RBFOX1: variants seen among roughly 807,000 people sequenced by gnomAD.
RBFOX1 encodes the protein RNA binding protein fox-1 homolog 1.
A neutral mutation model predicts 57.7 loss-of-function variants in RBFOX1; 8 were observed. That is an observed-to-expected ratio of 0.14 (90% confidence interval 0.08 to 0.25). The LOEUF is 0.25. Among genes scored for constraint, RBFOX1 ranks in the 10% least tolerant of loss-of-function variants. RBFOX1 has a pLI of 1.00. For synonymous variants in RBFOX1, 326 were observed against 222.4 expected (o/e 1.47, Z -4.15); for missense variants, 611 against 548.5 (o/e 1.11, Z -1.14).
chr16:7,434,907 T>A (rs1204774726), intron 4 of RBFOX1, among the ~76,000 whole-genome samples: 2 of 152,016 alleles, frequency 1.3e-5, no homozygotes, highest in East Asian at 3.9e-4. Context: ...ACTGGGCTAA[T>A]TTTTGTATTT....
chr16:6,874,532 AAAAAAATG>A (rs2061494294), intron 3 of RBFOX1, among the ~76,000 whole-genome samples: 1 of 150,998 alleles, frequency 6.6e-6, no homozygotes, highest in African/African-American at 2.4e-5. Context: ...AAAAAAAAAA[AAAAAAATG>A]AAATAATGGC....
intron 2 of RBFOX1, among the ~76,000 whole-genome samples, chr16:6,469,751 G>C (rs2095132334): frequency 6.6e-6 from 1 of 152,142 alleles, no homozygotes; most frequent in South Asian, 2.1e-4. Flanking sequence ...TCGGAACTTT[G>C]AGCTTCCTGC....
At chr16:6,755,376 CT>C (rs1194710267) in intron 3 of RBFOX1, among the ~76,000 whole-genome samples, 3 of 152,116 alleles carry the variant, frequency 2.0e-5, no homozygotes, top group Non-Finnish European at 1.5e-5. Context: ...TGTTTCCTGA[CT>C]TTTTAATGAT....
At chr16:6,486,980 G>A (rs532992871) in intron 2 of RBFOX1, among the ~76,000 whole-genome samples, 10 of 152,126 alleles carry the variant, frequency 6.6e-5, no homozygotes, top group South Asian at 2.1e-4. Context: ...AAGATAAAAC[G>A]CCTTTAAAAG....
At chr16:6,943,988 G>C (rs566004144) in intron 3 of RBFOX1, among the ~76,000 whole-genome samples, 1 of 152,098 alleles carries the variant, frequency 6.6e-6, no homozygotes, top group Admixed American at 6.6e-5. Flanking sequence ...CTCACGAACT[G>C]TTCATTGCTC....
In RBFOX1 at chr16:6,790,896, A is replaced by T. The variant is rs535382406; in HGVS notation, c.-16+136246A>T. Among the ~76,000 whole-genome samples, 3 of 151,140 alleles carry T rather than the reference A, an allele frequency of 2.0e-5. No homozygotes were observed. The South Asian group carries it at 6.3e-4, about 32-fold the overall frequency. ...GTAAAGGATGGTATTTGTGTGGTTT[A>T]TTTTTTCCTGTTTATCTTTTTTTTT... is the stretch of plus-strand genomic sequence containing the variant. On this transcript the variant is annotated intron_variant, in intron 3 of 15. Coordinates refer to ENST00000550418, the MANE Select transcript of RBFOX1 (RefSeq NM_018723.4).
chr16:6,886,822 G>C (rs1399531496), intron 3 of RBFOX1, among the ~76,000 whole-genome samples: 2 of 151,442 alleles, frequency 1.3e-5, no homozygotes, highest in Non-Finnish European at 2.9e-5. Flanking sequence ...AAAATGTGAA[G>C]AAACGTTTGC....
intron 2 of RBFOX1, among the ~76,000 whole-genome samples, chr16:5,515,141 AC>A (rs2043744206): frequency 6.6e-6 from 1 of 152,184 alleles, no homozygotes; most frequent in Non-Finnish European, 1.5e-5. Context: ...GGCCCCCATG[AC>A]CCAAACACCT....
At chr16:6,219,211 G>A (rs1472310095) in intron 1 of RBFOX1, among the ~76,000 whole-genome samples, 4 of 152,204 alleles carry the variant, frequency 2.6e-5, no homozygotes, top group Non-Finnish European at 5.9e-5. Flanking sequence ...GCTCACACCT[G>A]TAATCCCAGC....
intron 1 of RBFOX1, among the ~76,000 whole-genome samples, chr16:5,419,797 G>C (rs1418426755): frequency 6.6e-6 from 1 of 151,984 alleles, no homozygotes; most frequent in African/African-American, 2.4e-5. Context: ...TATGAAGCTT[G>C]GGAGGGGCTC....
intron 3 of RBFOX1, among the ~76,000 whole-genome samples, chr16:5,760,488 ATGT>A (rs756402291): frequency 2.0e-5 from 3 of 152,190 alleles, no homozygotes; most frequent in Non-Finnish European, 4.4e-5. Flanking sequence ...CACAATAATA[ATGT>A]TGTGAAAAGA....
intron 1 of RBFOX1, among the ~76,000 whole-genome samples, chr16:6,186,768 T>G (rs760327610): frequency 2.0e-5 from 3 of 152,108 alleles, no homozygotes; most frequent in Non-Finnish European, 4.4e-5. Flanking sequence ...ATGGCAACAT[T>G]GGTGCCAATG....
chr16:7,679,708 T>C (rs537394295), intron 14 of RBFOX1, among the ~76,000 whole-genome samples: 6 of 152,072 alleles, frequency 3.9e-5, no homozygotes, highest in Admixed American at 2.6e-4. Flanking sequence ...AGGTCCTTAA[T>C]GGGCACCTTG....
In RBFOX1 at chr16:5,999,905, AAAGAGTG is replaced by A. The variant is rs2060564625; in HGVS notation, c.351+132575_351+132581del. Among the ~76,000 whole-genome samples the A allele has an allele frequency of 8.6e-5, 3 of 34,908 alleles. 1 individual carries two copies. In the East Asian group the frequency reaches 1.6e-3, roughly 19 times the overall value. 22.9% of individuals were successfully genotyped at this position (34,908 alleles called of 152,430 possible). ...AAAAAAAAAAAAAAAAAAAAAAAAA[AAAGAGTG>A]AAGAAGGGAAATCAGACAAGGAAAG... On this transcript the variant is annotated intron_variant, in intron 4 of 19. Coordinates refer to the RBFOX1 transcript ENST00000641259.
intron 1 of RBFOX1, among the ~76,000 whole-genome samples, chr16:5,432,656 G>T: frequency 6.7e-6 from 1 of 148,752 alleles, no homozygotes; most frequent in East Asian, 2.0e-4. Context: ...TATCAGAGAA[G>T]ACATGGCAGG....
rs150138589 is a variant in RBFOX1 at position 6,720,365 on chromosome 16, G to A, written c.-16+65715G>A. ...ATTGAAAGTTTCCTCAGTCTTCCTA[G>A]CCATGCTACCTTTACAGACTGCAGA... On this transcript the variant is annotated intron_variant, in intron 3 of 15. Transcript: ENST00000550418. Among the ~76,000 whole-genome samples the A allele has an allele frequency of 1.1e-4, 16 of 152,222 alleles. No homozygotes were observed. In the East Asian group the frequency reaches 2.9e-3, roughly 28 times the overall value.
chr16:5,408,906 G>A lies in RBFOX1; in HGVS notation c.220-58310G>A, dbSNP rs556951926. 1.6e-4 allele frequency among the ~76,000 whole-genome samples: 25 copies of A among 152,358 alleles called. 1 individual carries two copies. Among genetic ancestry groups the A allele is most frequent in the African/African-American group, 5.8e-4 (24 of 41,576 alleles). ...AAGAGGAGGGTGTTACACCATTCATGAGAAATCCGCCCCCGTGATCCGTTC... is the reference window on the plus strand; with the variant it reads ...AAGAGGAGGGTGTTACACCATTCATAAGAAATCCGCCCCCGTGATCCGTTC... On this transcript the variant is annotated intron_variant, in intron 1 of 2. Coordinates refer to the RBFOX1 transcript ENST00000585867.
At position 7,337,763 on chromosome 16, in the gene RBFOX1, C is replaced by T. The variant is rs538864480; in HGVS notation, c.28-180384C>T. 6.1e-4 allele frequency among the ~76,000 whole-genome samples: 93 copies of T among 152,234 alleles called. 1 individual carries two copies. Among genetic ancestry groups the T allele is most frequent in the Non-Finnish European group, 1.0e-4 (7 of 68,002 alleles). ...GCAGGGGCGCAATCTCGGCTCATTG[C>T]AACCTCCACCTCCCAGGTTCAAGCG... On this transcript the variant is annotated intron_variant, in intron 4 of 15. Coordinates refer to ENST00000550418, the MANE Select transcript of RBFOX1 (RefSeq NM_018723.4).
At chr16:6,031,029 G>C (rs926377853) in intron 1 of RBFOX1, among the ~76,000 whole-genome samples, 1 of 152,124 alleles carries the variant, frequency 6.6e-6, no homozygotes, top group Non-Finnish European at 1.5e-5. Context: ...AAAGACAATA[G>C]AATTACCCGT....
Sources: allele counts gnomAD v4.1 joint callset (sites outside exome capture counted in the v4.1 genomes callset), GRCh38; gene constraint gnomAD v4.1.1; transcripts MANE v1.5; gene names NCBI Gene and HGNC (gene_info 2026-07-23, HGNC 2026-07-21).